Variants in SNTB1 observed in about 807,000 individuals in gnomAD.
The protein encoded by SNTB1 is syntrophin beta 1.
A neutral mutation model predicts 48.9 loss-of-function variants in SNTB1; 36 were observed. That is an observed-to-expected ratio of 0.74 (90% CI 0.56 to 0.97). SNTB1 has a LOEUF of 0.97. Among genes scored for constraint, SNTB1 ranks in the 50% least tolerant of loss-of-function variants. The probability of loss-of-function intolerance (pLI) is 0.00; values close to 1 mark genes in which losing one functional copy is unlikely to be tolerated. For synonymous variants in SNTB1, 299 were observed against 294.6 expected (o/e 1.01, Z -0.15); for missense variants, 786 against 703.4 (o/e 1.12, Z -1.33).
intron 3 of SNTB1, among the ~76,000 whole-genome samples, chr8:120,603,593 G>A (rs4329308): frequency 0.24 from 35,845 of 151,976 alleles, 4,379 homozygotes; most frequent in African/African-American, 0.29. Context: ...ACTCTTGCAG[G>A]GGAGTCCAGC....
chr8:120,537,282 A>G lies in SNTB1; in HGVS notation c.*1595T>C, dbSNP rs886598408. The stretch of plus-strand genomic sequence containing the variant: ...AACCACAATGAACTTTAAAATCTTC[A>G]AGGAGGCAATCGTGAAATCTATTTA... On this transcript the variant is annotated 3_prime_UTR_variant, in exon 7 of 7. Transcript: ENST00000517992. 6.6e-6 allele frequency: 1 copy of G among 152,180 alleles called. No individual in the cohort carries two copies. Among genetic ancestry groups the G allele is most frequent in the Non-Finnish European group, 1.5e-5 (1 of 68,024 alleles). 9.4% of individuals were successfully genotyped at this position (152,180 alleles called of 1,614,324 possible).
intron 2 of SNTB1, among the ~76,000 whole-genome samples, chr8:120,643,631 G>A (rs1024726336): frequency 3.9e-5 from 6 of 152,180 alleles, no homozygotes; most frequent in East Asian, 1.9e-4. Flanking sequence ...ATTCTGTGGT[G>A]TATGTATATC....
At chr8:120,705,598 T>A (rs571220540) in intron 1 of SNTB1, among the ~76,000 whole-genome samples, 1 of 152,296 alleles carries the variant, frequency 6.6e-6, no homozygotes, top group East Asian at 1.9e-4. Context: ...CCCAGTCACA[T>A]TGCAGAAAAT....
intron 3 of SNTB1, among the ~76,000 whole-genome samples, chr8:120,604,235 C>T (rs898038618): frequency 5.9e-5 from 9 of 152,146 alleles, no homozygotes; most frequent in Admixed American, 2.0e-4. Flanking sequence ...ATCCCCTTGG[C>T]GTCTCTGTCA....
intron 1 of SNTB1, among the ~76,000 whole-genome samples, chr8:120,748,609 A>G (rs896865016): frequency 6.6e-6 from 1 of 152,226 alleles, no homozygotes; most frequent in African/African-American, 2.4e-5. Context: ...AGAAATGTGT[A>G]AGCCCTTCAA....
chr8:120,784,335 T>C (rs180718724), intron 1 of SNTB1, among the ~76,000 whole-genome samples: 1 of 152,144 alleles, frequency 6.6e-6, no homozygotes, highest in Admixed American at 6.5e-5. Context: ...CCAATGATTA[T>C]GGTATCCAAG....
chr8:120,549,064 G>T, intron 4 of SNTB1, 106 bp from the exon 5 acceptor site: 1 of 911,906 alleles, frequency 1.1e-6, no homozygotes, highest in Non-Finnish European at 1.6e-6. Flanking sequence ...CATTTTTCTG[G>T]TCTGGAATCA....
chr8:120,592,703 CAAAT>C (rs986838383), intron 3 of SNTB1, among the ~76,000 whole-genome samples: 4 of 152,058 alleles, frequency 2.6e-5, no homozygotes, highest in Non-Finnish European at 5.9e-5. Flanking sequence ...CATAAGCCGT[CAAAT>C]AAATAAAGAA....
intron 1 of SNTB1, among the ~76,000 whole-genome samples, chr8:120,757,089 G>C (rs1266970818): frequency 2.6e-5 from 4 of 152,168 alleles, no homozygotes; most frequent in African/African-American, 7.2e-5. Context: ...TATACGCCAG[G>C]CCTTGGGCTA....
intron 3 of SNTB1, among the ~76,000 whole-genome samples, chr8:120,627,398 G>A (rs1328448329): frequency 1.3e-5 from 2 of 152,104 alleles, no homozygotes; most frequent in Admixed American, 1.3e-4. Flanking sequence ...AGTCTCTGTA[G>A]GACCTGTTCT....
intron 1 of SNTB1, among the ~76,000 whole-genome samples, chr8:120,762,780 T>C (rs989991507): frequency 1.3e-5 from 2 of 152,192 alleles, no homozygotes; most frequent in African/African-American, 4.8e-5. Flanking sequence ...GTACAGTGTT[T>C]AGTAGACAGT....
intron 2 of SNTB1, among the ~76,000 whole-genome samples, chr8:120,652,165 T>C (rs1206829652): frequency 6.6e-6 from 1 of 152,210 alleles, no homozygotes; most frequent in Non-Finnish European, 1.5e-5. Flanking sequence ...CAAGCTGTCA[T>C]TTGTGAACTA....
intron 1 of SNTB1, among the ~76,000 whole-genome samples, chr8:120,805,668 G>T (rs1341927284): frequency 6.6e-6 from 1 of 152,212 alleles, no homozygotes; most frequent in Non-Finnish European, 1.5e-5. Context: ...TGTAATAAAT[G>T]TGTGTTGTTT....
intron 4 of SNTB1, among the ~76,000 whole-genome samples, chr8:120,573,394 G>GTTTT (rs36132752): frequency 0.67 from 101,468 of 151,592 alleles, 34,581 homozygotes; most frequent in Admixed American, 0.74. Context: ...TTTTGAATCA[G>GTTTT]TTTTCTTTTT....
At chr8:120,581,097 A>G (rs1587006471) in intron 3 of SNTB1, among the ~76,000 whole-genome samples, 2 of 150,604 alleles carry the variant, frequency 1.3e-5, no homozygotes, top group Non-Finnish European at 3.0e-5. Context: ...TCAAAAAAAA[A>G]AAAAAAAAAA....
intron 1 of SNTB1, among the ~76,000 whole-genome samples, chr8:120,806,216 T>G (rs892416904): frequency 2.6e-5 from 4 of 152,184 alleles, no homozygotes; most frequent in Non-Finnish European, 5.9e-5. Flanking sequence ...AGCAACGAAG[T>G]GCAGAAGGGG....
chr8:120,612,521 T>A (rs1362759089), intron 3 of SNTB1, among the ~76,000 whole-genome samples: 1 of 152,196 alleles, frequency 6.6e-6, no homozygotes, highest in African/African-American at 2.4e-5. Flanking sequence ...TGATTCTGAA[T>A]TAGTGGGTTT....
At chr8:120,674,746 G>A (rs1817808723) in intron 2 of SNTB1, among the ~76,000 whole-genome samples, 1 of 152,212 alleles carries the variant, frequency 6.6e-6, no homozygotes, top group Admixed American at 6.5e-5. Flanking sequence ...TGTAGCAGAA[G>A]TTAATTCAGA....
At chr8:120,547,613 A>C (rs1009758915) in intron 5 of SNTB1, among the ~76,000 whole-genome samples, 1 of 143,466 alleles carries the variant, frequency 7.0e-6, no homozygotes, top group Non-Finnish European at 1.6e-5. Context: ...AAAAAAAAAA[A>C]CAACTTTGTT....
Sources: allele counts gnomAD v4.1 joint callset (sites outside exome capture counted in the v4.1 genomes callset), GRCh38; gene constraint gnomAD v4.1.1; transcripts MANE v1.5; gene names NCBI Gene and HGNC (gene_info 2026-07-23, HGNC 2026-07-21).